OR52I2: variants seen among roughly 807,000 people sequenced by gnomAD.
OR52I2 encodes olfactory receptor family 52 subfamily I member 2, also known as olfactory receptor 52I2.
For synonymous variants in OR52I2, 147 were observed against 151.9 expected (o/e 0.97, Z 0.24); for missense variants, 350 against 402.4 (o/e 0.87, Z 1.11).
At chr11:4,587,466 A>C (rs1270905001) in exon 2 of OR52I2, 4 of 1,614,182 alleles carry the variant, frequency 2.5e-6, no homozygotes, top group Non-Finnish European at 3.4e-6. Context: ...CCAGGTTAGC[A>C]TGTGCTGACC....
intron 1 of OR52I2, among the ~76,000 whole-genome samples, chr11:4,585,513 G>A (rs1238981641): frequency 6.6e-6 from 1 of 152,126 alleles, no homozygotes; most frequent in Non-Finnish European, 1.5e-5. Flanking sequence ...CTTCTATTTT[G>A]GGTTCTCCAG....
At chr11:4,583,653 C>G (rs1444417179) in intron 1 of OR52I2, among the ~76,000 whole-genome samples, 1 of 152,206 alleles carries the variant, frequency 6.6e-6, no homozygotes, top group Non-Finnish European at 1.5e-5. Context: ...TTACAGTGAG[C>G]TCCTATAAAC....
intron 1 of OR52I2, among the ~76,000 whole-genome samples, chr11:4,582,670 G>C (rs940434030): frequency 6.6e-6 from 1 of 151,884 alleles, no homozygotes; most frequent in African/African-American, 2.4e-5. Context: ...CCTGAGCTCA[G>C]ACAATCCTAC....
At chr11:4,584,141 G>T (rs1286721310) in intron 1 of OR52I2, among the ~76,000 whole-genome samples, 5 of 152,198 alleles carry the variant, frequency 3.3e-5, no homozygotes, top group African/African-American at 1.2e-4. Flanking sequence ...TTATTCAGGA[G>T]AGGCACAGGA....
rs368645764 is a variant in OR52I2, at chr11:4,586,266, AT to A, written c.-19-599del. Among the ~76,000 whole-genome samples, 10 of 152,156 alleles carry A rather than the reference AT, an allele frequency of 6.6e-5. No individual in the cohort carries two copies. The South Asian group carries it at 1.7e-3, about 25-fold the overall frequency. On this transcript the variant is annotated intron_variant, in intron 1 of 1. Coordinates refer to ENST00000641896, the Ensembl canonical transcript of OR52I2. ...TTTACCACAAGGATACTTCTTTCAT[AT>A]TTTTTTATAGGCACTGTACCAAGGA...
At chr11:4,591,784 C>T (rs143532202) in exon 2 of OR52I2, 1 of 152,232 alleles carries the variant, frequency 6.6e-6, no homozygotes, top group African/African-American at 2.4e-5. Context: ...GTGAGCTATG[C>T]TTGGCTTTCT....
chr11:4,588,515 T>G (rs1846326702), exon 2 of OR52I2: 1 of 152,838 alleles, frequency 6.5e-6, no homozygotes, highest in African/African-American at 2.4e-5. Flanking sequence ...TGCCTCTGGT[T>G]TATCCTCTAT....
At chr11:4,587,840 T>C (rs1589843803) in exon 2 of OR52I2, 2 of 1,613,974 alleles carry the variant, frequency 1.2e-6, no homozygotes, top group Non-Finnish European at 1.7e-6. Flanking sequence ...CATGTCCTCT[T>C]TGACCATTCC....
chr11:4,592,978 A>G (rs900781875), exon 2 of OR52I2: 3 of 152,194 alleles, frequency 2.0e-5, no homozygotes, highest in African/African-American at 7.2e-5. Context: ...AACTTACCAC[A>G]CACGTACTAC....
exon 2 of OR52I2, chr11:4,590,344 G>A (rs1846341672): frequency 2.0e-5 from 3 of 152,188 alleles, no homozygotes; most frequent in East Asian, 1.9e-4. Flanking sequence ...GGAGATCAAC[G>A]TTAATCTTAG....
exon 2 of OR52I2, chr11:4,588,264 G>T: frequency 5.6e-6 from 1 of 179,388 alleles, no homozygotes; most frequent in Non-Finnish European, 1.2e-5. Context: ...TAGGATCTGG[G>T]GAACTGAGAG....
At chr11:4,585,434 C>A (rs907609056) in intron 1 of OR52I2, among the ~76,000 whole-genome samples, 1 of 152,136 alleles carries the variant, frequency 6.6e-6, no homozygotes, top group East Asian at 1.9e-4. Flanking sequence ...TCATTGAAAC[C>A]AATCATCCTA....
exon 2 of OR52I2, chr11:4,592,273 G>A (rs1235541519): frequency 6.6e-6 from 1 of 152,168 alleles, no homozygotes; most frequent in Non-Finnish European, 1.5e-5. Context: ...AATGGGTGAA[G>A]AAGTTGAGGC....
exon 2 of OR52I2, chr11:4,587,301 G>C (rs149943504): frequency 1.2e-6 from 2 of 1,613,740 alleles, no homozygotes; most frequent in Non-Finnish European, 8.5e-7. Context: ...TACACTACAA[G>C]AGAATTCTCA....
Position 4,583,743 on chromosome 11 carries a change from G to C in OR52I2, c.-20+1879G>C, listed in dbSNP as rs116213460. Among the ~76,000 whole-genome samples, 1,377 of 152,200 alleles carry C rather than the reference G, an allele frequency of 9.0e-3. 16 individuals carry two copies. The highest frequency in any genetic ancestry group is 0.034 in the Middle Eastern group (10 of 294). ...TCTTAAACTCAGGGATTTTCTTCTTGTTGTAGGTTTATTTCTTTTATACAG... is the reference window on the plus strand; with the variant it reads ...TCTTAAACTCAGGGATTTTCTTCTTCTTGTAGGTTTATTTCTTTTATACAG... On this transcript the variant is annotated intron_variant, in intron 1 of 1. Coordinates refer to ENST00000641896, the Ensembl canonical transcript of OR52I2.
chr11:4,587,572 G>A (rs1167786583), exon 2 of OR52I2: 2 of 1,614,042 alleles, frequency 1.2e-6, no homozygotes, highest in Admixed American at 3.3e-5. Flanking sequence ...AATTCTCAAG[G>A]CAGTATTTGG....
exon 2 of OR52I2, chr11:4,588,998 GT>G (rs1554912981): frequency 6.6e-6 from 1 of 152,092 alleles, no homozygotes; most frequent in Non-Finnish European, 1.5e-5. Context: ...TTTTTTGTTT[GT>G]TTGTTTGTTT....
exon 2 of OR52I2, chr11:4,588,220 C>T (rs1846323807): frequency 4.0e-6 from 1 of 250,982 alleles, no homozygotes; most frequent in Non-Finnish European, 7.6e-6. Context: ...AAAGACCGCT[C>T]ACCATTCTCT....
intron 1 of OR52I2, among the ~76,000 whole-genome samples, chr11:4,585,791 T>C (rs1227253671): frequency 3.9e-5 from 6 of 152,228 alleles, no homozygotes; most frequent in African/African-American, 1.4e-4. Flanking sequence ...TACATGATCT[T>C]GGCTAGAATA....
Sources: gnomAD v4.1 joint callset for allele counts (sites outside exome capture counted in the v4.1 genomes callset) on GRCh38, gnomAD v4.1.1 for gene constraint, MANE v1.5 for transcripts, NCBI Gene and HGNC (gene_info 2026-07-23, HGNC 2026-07-21) for gene names.